The following GRID2 variants were observed in gnomAD, a reference collection of about 807,000 sequenced individuals.
GRID2 encodes glutamate ionotropic receptor delta type subunit 2.
Under a neutral mutation model 114.8 loss-of-function variants are expected in GRID2, and 33 were observed. The observed-to-expected ratio is 0.29, with a 90% CI of 0.22 to 0.38. GRID2 has a LOEUF of 0.38. GRID2 is among the 10% of genes least tolerant of loss of function. GRID2 has a pLI of 1.00. For missense variants in GRID2, 1,184 were observed against 1,257.7 expected (o/e 0.94, Z 0.89); for synonymous variants, 505 against 449.9 (o/e 1.12, Z -1.55).
At chr4:92,308,020 T>C (rs967211509) in intron 1 of GRID2, among the ~76,000 whole-genome samples, 2 of 152,194 alleles carry the variant, frequency 1.3e-5, no homozygotes, top group African/African-American at 4.8e-5. Context: ...TACTGTGTTT[T>C]ATGAGGCTAT....
intron 8 of GRID2, among the ~76,000 whole-genome samples, chr4:93,323,221 G>A (rs200425913): frequency 1.2e-4 from 18 of 152,210 alleles, no homozygotes; most frequent in African/African-American, 1.7e-4. Flanking sequence ...ATTAATTATC[G>A]TATAAGGTGT....
At chr4:92,445,384 T>G (rs764233779) in intron 1 of GRID2, among the ~76,000 whole-genome samples, 3 of 152,216 alleles carry the variant, frequency 2.0e-5, no homozygotes, top group Non-Finnish European at 4.4e-5. Flanking sequence ...GATGATGCCT[T>G]CCAGTGAAGG....
chr4:92,338,332 T>C (rs958849508), intron 1 of GRID2, among the ~76,000 whole-genome samples: 8 of 152,158 alleles, frequency 5.3e-5, no homozygotes, highest in African/African-American at 1.7e-4. Flanking sequence ...AGAATATACA[T>C]TGTGAACAGA....
At chr4:92,660,839 G>A (rs1414561393) in intron 2 of GRID2, among the ~76,000 whole-genome samples, 2 of 150,970 alleles carry the variant, frequency 1.3e-5, no homozygotes, top group Non-Finnish European at 3.0e-5. Flanking sequence ...TGATTTCATT[G>A]TAGCATTTGT....
At chr4:92,687,098 T>C (rs551464499) in intron 2 of GRID2, among the ~76,000 whole-genome samples, 2 of 152,266 alleles carry the variant, frequency 1.3e-5, no homozygotes, top group East Asian at 1.9e-4. Context: ...AATCTTCCAT[T>C]TTCTGGAGTT....
intron 14 of GRID2, among the ~76,000 whole-genome samples, chr4:93,646,108 G>A (rs982705432): frequency 1.1e-4 from 17 of 152,222 alleles, no homozygotes; most frequent in African/African-American, 4.1e-4. Flanking sequence ...AGACTGACAA[G>A]ATTATTACTT....
At chr4:92,533,552 A>G (rs1287335213) in intron 1 of GRID2, among the ~76,000 whole-genome samples, 1 of 151,950 alleles carries the variant, frequency 6.6e-6, no homozygotes, top group African/African-American at 2.4e-5. Context: ...TTCTTTTCCT[A>G]CTCTACCCTG....
chr4:93,278,556 T>A (rs1303699665), intron 8 of GRID2, among the ~76,000 whole-genome samples: 1 of 151,908 alleles, frequency 6.6e-6, no homozygotes, highest in Non-Finnish European at 1.5e-5. Context: ...GAACAAAGCA[T>A]CCCATTATCC....
At chr4:93,389,876 T>A (rs1764683409) in intron 8 of GRID2, among the ~76,000 whole-genome samples, 1 of 151,308 alleles carries the variant, frequency 6.6e-6, no homozygotes, top group Non-Finnish European at 1.5e-5. Context: ...GCAACCTCCA[T>A]CTCCCAGGTT....
chr4:92,882,904 T>C (rs759228489), intron 2 of GRID2, among the ~76,000 whole-genome samples: 25 of 152,202 alleles, frequency 1.6e-4, no homozygotes, highest in Non-Finnish European at 3.4e-4. Context: ...GAGTCTTGCC[T>C]CCATGTTGAA....
At chr4:92,604,028 TTAAGAAACAACAGATGC>T (rs1322137807) in intron 2 of GRID2, among the ~76,000 whole-genome samples, 1 of 152,046 alleles carries the variant, frequency 6.6e-6, no homozygotes. Flanking sequence ...TATTAAAATG[TTAAGAAACAACAGATGC>T]TGGTGTGACT....
intron 14 of GRID2, among the ~76,000 whole-genome samples, chr4:93,716,558 T>A (rs1728919521): frequency 6.6e-6 from 1 of 152,120 alleles, no homozygotes; most frequent in South Asian, 2.1e-4. Context: ...TCAATTCAGC[T>A]TTTAAATGTT....
At position 93,183,739 on chromosome 4, in the gene GRID2, G is replaced by A. The variant is rs566532578; in HGVS notation, c.736-23665G>A. On this transcript the variant is annotated intron_variant, in intron 4 of 15. Coordinates refer to ENST00000282020, the MANE Select transcript of GRID2 (RefSeq NM_001510.4). ...ATGTGCCAGGCACTGAATAGAGCAG[G>A]AGAAATAAACTATATCAGTAAATCC... Among the ~76,000 whole-genome samples, 3 of 152,310 alleles carry A rather than the reference G, an allele frequency of 2.0e-5. No homozygotes were observed. In the East Asian group the frequency reaches 5.8e-4, roughly 29 times the overall value.
At chr4:93,258,372 A>G (rs948720793) in intron 8 of GRID2, among the ~76,000 whole-genome samples, 21 of 151,758 alleles carry the variant, frequency 1.4e-4, no homozygotes, top group African/African-American at 4.3e-4. Flanking sequence ...ATAATGTCAG[A>G]GAAGTAGTGT....
chr4:93,567,754 T>C (rs892540365), intron 13 of GRID2, among the ~76,000 whole-genome samples: 6 of 152,354 alleles, frequency 3.9e-5, no homozygotes, highest in African/African-American at 1.4e-4. Context: ...ACTTAGAGAA[T>C]GGAACAGTAA....
chr4:93,700,638 C>T (rs1381608946), intron 14 of GRID2, among the ~76,000 whole-genome samples: 1 of 152,134 alleles, frequency 6.6e-6, no homozygotes, highest in Non-Finnish European at 1.5e-5. Flanking sequence ...TCACTACAAG[C>T]TCTGTCCCCT....
intron 8 of GRID2, among the ~76,000 whole-genome samples, chr4:93,244,147 A>G (rs1358479870): frequency 6.6e-6 from 1 of 152,014 alleles, no homozygotes; most frequent in Middle Eastern, 3.2e-3. Context: ...CTGCTCACAT[A>G]TTATTGCAGA....
At chr4:93,018,077 A>G (rs968575332) in intron 2 of GRID2, among the ~76,000 whole-genome samples, 3 of 151,956 alleles carry the variant, frequency 2.0e-5, no homozygotes, top group Admixed American at 6.6e-5. Flanking sequence ...ACTGTTCAGT[A>G]TAAATTATAC....
chr4:92,481,511 T>A (rs1236955255), intron 1 of GRID2, among the ~76,000 whole-genome samples: 1 of 152,124 alleles, frequency 6.6e-6, no homozygotes, highest in African/African-American at 2.4e-5. Context: ...AATCAGGTGG[T>A]TGAAAGTGTG....
Sources: gnomAD v4.1 joint callset for allele counts (sites outside exome capture counted in the v4.1 genomes callset) on GRCh38, gnomAD v4.1.1 for gene constraint, MANE v1.5 for transcripts, NCBI Gene and HGNC (gene_info 2026-07-23, HGNC 2026-07-21) for gene names.